TPO: variants seen among roughly 807,000 people sequenced by gnomAD.
TPO encodes thyroid microsomal antigen.
In TPO, 78 loss-of-function variants were observed where a neutral mutation model predicts 96.9. The ratio of observed to expected loss-of-function variants is 0.81; its 90% CI spans 0.67 to 0.97. The LOEUF is 0.97. Ranked by LOEUF, TPO falls within the 50% of genes least tolerant of loss-of-function variation. The pLI is 0.00. For missense variants in TPO, 1,252 were observed against 1,274.8 expected, an observed-to-expected ratio of 0.98 and a Z score of 0.27; for synonymous variants, 547 against 538.0, an observed-to-expected ratio of 1.02 and a Z score of -0.23.
intron 15 of TPO, 89 bp downstream of exon 15, chr2:1,517,071 C>A: frequency 1.5e-6 from 2 of 1,372,382 alleles, no homozygotes; most frequent in Non-Finnish European, 2.0e-6. Context: ...TTTATTTTCC[C>A]GAAGCTAACA....
At chr2:1,499,067 A>G (rs1430306768) in intron 13 of TPO, among the ~76,000 whole-genome samples, 2 of 152,074 alleles carry the variant, frequency 1.3e-5, no homozygotes, top group African/African-American at 4.8e-5. Context: ...TTTTAGCTTC[A>G]TTTTAAGTAT....
At chr2:1,396,800 G>A (rs888616253) in intron 1 of TPO, among the ~76,000 whole-genome samples, 1 of 152,124 alleles carries the variant, frequency 6.6e-6, no homozygotes. Context: ...AGCTATGTGT[G>A]GGCAAATGAA....
Position 1,496,242 on chromosome 2 carries a change from T to A in TPO, c.2215+45T>A, listed in dbSNP as rs748122892. On this transcript the variant is annotated intron_variant, in intron 12 of 16. Coordinates refer to ENST00000329066, the MANE Select transcript of TPO (RefSeq NM_001206744.2). ...CACACCACGTTACAGCACGTGCATC[T>A]CATCAAACAAAGCTTATCTTCCCCA... 12 of 1,592,514 alleles carry A rather than the reference T, an allele frequency of 7.5e-6. No individual in the cohort carries two copies. In the South Asian group the frequency reaches 1.1e-4, roughly 15 times the overall value.
At position 1,433,514 on chromosome 2, in the gene TPO, G is replaced by A. The variant is rs1354553631; in HGVS notation, c.256G>A (p.Val86Met). The part of the protein sequence containing the change: ...FSKLPEPTSG[V>M]IARAAEIMET... ...CAAACTTCCTGAGCCAACAAGCGGAGTGATTGCCCGAGCAGCAGAGATAAT... is the reference window on the plus strand; with the variant it reads ...CAAACTTCCTGAGCCAACAAGCGGAATGATTGCCCGAGCAGCAGAGATAAT... Residue 86 changes from valine (V) to methionine (M), a missense_variant, in exon 4 of 17, where the codon GTG becomes ATG. Transcript: ENST00000329066. 4 of 1,614,212 alleles carry A rather than the reference G, an allele frequency of 2.5e-6. No homozygotes were observed. Among genetic ancestry groups the A allele is most frequent in the Non-Finnish European group, 2.5e-6 (3 of 1,180,050 alleles).
At chr2:1,476,697 G>A (rs1268368147) in intron 7 of TPO, among the ~76,000 whole-genome samples, 1 of 152,248 alleles carries the variant, frequency 6.6e-6, no homozygotes, top group East Asian at 1.9e-4. Flanking sequence ...CTGAGCTTTG[G>A]GGAGATGTGG....
At chr2:1,491,114 G>T (rs1403303745) in intron 10 of TPO, among the ~76,000 whole-genome samples, 1 of 152,088 alleles carries the variant, frequency 6.6e-6, no homozygotes, top group Non-Finnish European at 1.5e-5. Context: ...AAGTTGCAGT[G>T]AGCTGAGATC....
intron 8 of TPO, among the ~76,000 whole-genome samples, chr2:1,484,014 C>T (rs1670883330): frequency 6.6e-6 from 1 of 152,072 alleles, no homozygotes; most frequent in Non-Finnish European, 1.5e-5. Context: ...CAAAATATTC[C>T]CCTTAAATAC....
chr2:1,531,284 CT>C (rs1180958499), intron 15 of TPO, among the ~76,000 whole-genome samples: 1 of 126,480 alleles, frequency 7.9e-6, no homozygotes, highest in Non-Finnish European at 1.7e-5. Context: ...CAAATCCCCC[CT>C]AATGTCAGCA....
At chr2:1,505,668 A>G (rs1200617641) in intron 14 of TPO, among the ~76,000 whole-genome samples, 1 of 151,970 alleles carries the variant, frequency 6.6e-6, no homozygotes, top group Non-Finnish European at 1.5e-5. Context: ...GGTTTGTTAC[A>G]TAGGTATACG....
At chr2:1,512,512 G>A (rs1674260450) in intron 14 of TPO, 1 of 982,304 alleles carries the variant, frequency 1.0e-6, no homozygotes, top group African/African-American at 1.7e-5. Context: ...TGTGATGCTT[G>A]CATGGTGCTG....
rs1266301936 is a variant in TPO at position 1,477,323 on chromosome 2, C to T, written c.1057C>T (p.His353Tyr). ...CAGTGCCGAAGGGCTGCTCCGCGTC[C>T]ACGCGCGCCTCCGGGACTCCGGCCG... ...WTSAEGLLRVHARLRDSGRAY... is the reference protein window; with the variant it reads ...WTSAEGLLRVYARLRDSGRAY... The change falls in exon 8 of 17, where the codon CAC becomes TAC. Residue 353 changes from histidine to tyrosine, a missense_variant. Physicochemically the swap from His to Tyr is moderately conservative, Grantham distance 83. Coordinates refer to ENST00000329066, the MANE Select transcript of TPO (RefSeq NM_001206744.2). 1 of 1,566,650 alleles carries T rather than the reference C, an allele frequency of 6.4e-7. No individual in the cohort carries two copies. Among genetic ancestry groups the T allele is most frequent in the Non-Finnish European group, 8.6e-7 (1 of 1,156,662 alleles).
At chr2:1,534,800 C>T (rs1172145313) in intron 15 of TPO, among the ~76,000 whole-genome samples, 1 of 149,380 alleles carries the variant, frequency 6.7e-6, no homozygotes, top group Non-Finnish European at 1.5e-5. Context: ...TGGGTAACCT[C>T]CCCAAATCCC....
At chr2:1,402,452 A>G (rs1475178037) in intron 1 of TPO, among the ~76,000 whole-genome samples, 3 of 152,172 alleles carry the variant, frequency 2.0e-5, no homozygotes, top group Non-Finnish European at 4.4e-5. Context: ...ACACGGAGCC[A>G]AGGGGGGTGG....
intron 15 of TPO, among the ~76,000 whole-genome samples, chr2:1,533,810 C>G (rs1387619097): frequency 6.6e-5 from 5 of 75,752 alleles, no homozygotes; most frequent in Admixed American, 1.6e-4. Context: ...GCAACGTCCC[C>G]AAATCGCCCC....
At chr2:1,486,145 C>A (rs564389860) in intron 9 of TPO, among the ~76,000 whole-genome samples, 20 of 152,274 alleles carry the variant, frequency 1.3e-4, no homozygotes, top group African/African-American at 4.8e-4. Flanking sequence ...GCCGTGCAGA[C>A]CTTCCGTATG....
intron 1 of TPO, among the ~76,000 whole-genome samples, chr2:1,402,923 T>A (rs1450820430): frequency 6.6e-6 from 1 of 152,206 alleles, no homozygotes; most frequent in African/African-American, 2.4e-5. Flanking sequence ...CCATCTGCAT[T>A]TCCACCAGTG....
intron 15 of TPO, among the ~76,000 whole-genome samples, chr2:1,518,121 TACC>T (rs1308098256): frequency 6.6e-6 from 1 of 152,216 alleles, no homozygotes; most frequent in East Asian, 1.9e-4. Flanking sequence ...CCTCACCCGA[TACC>T]ACATATCTAT....
At chr2:1,496,223 A>ACGTTACAG in intron 12 of TPO, 26 bp downstream of exon 12, 1 of 1,605,194 alleles carries the variant, frequency 6.2e-7, no homozygotes, top group African/African-American at 1.3e-5. Context: ...CTCTCACACC[A>ACGTTACAG]CGTTACAGCA....
At chr2:1,405,424 C>T (rs920397465) in intron 1 of TPO, among the ~76,000 whole-genome samples, 3 of 151,926 alleles carry the variant, frequency 2.0e-5, no homozygotes, top group African/African-American at 7.2e-5. Context: ...ACCCATCCAT[C>T]CATTCTTCAT....
Sources: gnomAD v4.1 joint callset for allele counts (sites outside exome capture counted in the v4.1 genomes callset) on GRCh38, gnomAD v4.1.1 for gene constraint, MANE v1.5 for transcripts, NCBI Gene and HGNC (gene_info 2026-07-23, HGNC 2026-07-21) for gene names.